Variants in PSD3 observed in about 807,000 individuals in gnomAD.
PSD3 encodes the protein pleckstrin and Sec7 domain containing 3, also known as PH and SEC7 domain-containing protein 3.
Under a neutral mutation model 105.5 loss-of-function variants are expected in PSD3, and 49 were observed. The ratio of observed to expected loss-of-function variants is 0.46; its 90% CI spans 0.37 to 0.59. PSD3 has a LOEUF of 0.59. Ranked by LOEUF, PSD3 falls within the 20% of genes least tolerant of loss-of-function variation. The pLI is 0.00. For synonymous variants in PSD3, 557 were observed against 457.8 expected (o/e 1.22, Z -2.77); for missense variants, 1,561 against 1,263.8 (o/e 1.24, Z -3.57).
At chr8:18,685,158 C>G (rs1800597362) in intron 9 of PSD3, among the ~76,000 whole-genome samples, 2 of 152,188 alleles carry the variant, frequency 1.3e-5, no homozygotes, top group African/African-American at 2.4e-5. Flanking sequence ...CTTTACAACT[C>G]AAGAATGTAT....
chr8:19,000,494 T>C (rs6981123), intron 1 of PSD3: 105,795 of 151,228 alleles, frequency 0.7, 37,833 homozygotes, highest in East Asian at 0.91. Flanking sequence ...GAACACAGCC[T>C]AAGCCTTTAT....
At position 18,952,848 on chromosome 8, in the gene PSD3, T is replaced by C. The variant is rs1003967675; in HGVS notation, c.22-16706A>G. ...TTCTTGTAAGAATCCAAACAACTTA[T>C]TGAGGAGACGAGGTGATGGCCAGCA... On this transcript the variant is annotated intron_variant, in intron 1 of 15. Coordinates refer to ENST00000327040, the MANE Select transcript of PSD3 (RefSeq NM_015310.4). Among the ~76,000 whole-genome samples the C allele has an allele frequency of 2.0e-4, 31 of 152,174 alleles. 1 individual carries two copies. The highest frequency in any genetic ancestry group is 6.5e-4 in the African/African-American group (27 of 41,438).
chr8:18,874,979 G>A (rs1341590480), intron 2 of PSD3, among the ~76,000 whole-genome samples: 1 of 152,048 alleles, frequency 6.6e-6, no homozygotes, highest in East Asian at 1.9e-4. Flanking sequence ...GTGGGAGTGC[G>A]AACATAGCTC....
At chr8:18,988,892 G>C (rs936255202) in intron 1 of PSD3, among the ~76,000 whole-genome samples, 1 of 152,186 alleles carries the variant, frequency 6.6e-6, no homozygotes, top group Non-Finnish European at 1.5e-5. Flanking sequence ...GTTTGTCCGG[G>C]AATGTAAGCG....
chr8:18,644,436 C>T (rs1807880571), intron 10 of PSD3, among the ~76,000 whole-genome samples: 1 of 152,224 alleles, frequency 6.6e-6, no homozygotes, highest in South Asian at 2.1e-4. Flanking sequence ...GACAAGAATA[C>T]AATTCAGCCA....
In PSD3 at chr8:18,535,659, T is replaced by C. The variant is rs1223891023; in HGVS notation, c.*84A>G. On this transcript the variant is annotated 3_prime_UTR_variant, in exon 16 of 16. Coordinates refer to ENST00000327040, the MANE Select transcript of PSD3 (RefSeq NM_015310.4). ...CCGTTTTGTCACAGACTTTTTTTTT[T>C]TAAATATATTCACGGATTACCAGAA... is the stretch of plus-strand genomic sequence containing the variant. 2.5e-6 allele frequency: 3 copies of C among 1,192,732 alleles called. No homozygotes were observed. Among genetic ancestry groups the C allele is most frequent in the Non-Finnish European group, 3.6e-6 (3 of 830,080 alleles). 73.9% of individuals were successfully genotyped at this position (1,192,732 alleles called of 1,614,324 possible).
chr8:19,073,030 AAG>A (rs1368474935), intron 1 of PSD3, among the ~76,000 whole-genome samples: 2 of 152,186 alleles, frequency 1.3e-5, no homozygotes, highest in African/African-American at 4.8e-5. Flanking sequence ...GATTTTATTA[AAG>A]ATAATAAAAT....
Position 18,749,438 on chromosome 8 carries a change from C to A in PSD3, c.2172+16011G>T, listed in dbSNP as rs28447980. Among the ~76,000 whole-genome samples, 5 of 152,246 alleles carry A rather than the reference C, an allele frequency of 3.3e-5. No homozygotes were observed. The South Asian group carries it at 1.0e-3, about 32-fold the overall frequency. On this transcript the variant is annotated intron_variant, in intron 9 of 15. Coordinates refer to ENST00000327040, the MANE Select transcript of PSD3 (RefSeq NM_015310.4). ...TCCCACAGTATTTTATACGTAATTC[C>A]GCATTTATGCAGGATTTTAAAGATG...
In PSD3 at chr8:18,864,103, T is replaced by C. The variant is rs1016032432; in HGVS notation, c.1634+3571A>G. Among the ~76,000 whole-genome samples the C allele has an allele frequency of 2.6e-5, 4 of 152,164 alleles. No individual in the cohort carries two copies. The South Asian group carries it at 6.2e-4, about 24-fold the overall frequency. ...TGAAACAGAAAAGGATTTAAGTAAA[T>C]CTAGGCAATAGCAAAGCAAATACAT... On this transcript the variant is annotated intron_variant, in intron 4 of 15. Coordinates refer to ENST00000327040, the MANE Select transcript of PSD3 (RefSeq NM_015310.4).
intron 9 of PSD3, among the ~76,000 whole-genome samples, chr8:18,764,882 G>A (rs1297883558): frequency 2.6e-5 from 4 of 152,136 alleles, no homozygotes; most frequent in African/African-American, 9.7e-5. Flanking sequence ...CAATGCTGGA[G>A]AATGCATGAA....
intron 8 of PSD3, among the ~76,000 whole-genome samples, chr8:18,782,576 T>C (rs1463985691): frequency 6.6e-6 from 1 of 152,176 alleles, no homozygotes; most frequent in Non-Finnish European, 1.5e-5. Flanking sequence ...CTGGGATGGA[T>C]ATGCAGGATC....
At chr8:18,771,969 A>G (rs1807581606) in intron 8 of PSD3, among the ~76,000 whole-genome samples, 1 of 152,166 alleles carries the variant, frequency 6.6e-6, no homozygotes, top group African/African-American at 2.4e-5. Context: ...CCTCAAACAA[A>G]TGGAATCATA....
chr8:18,876,666 C>T lies in PSD3; in HGVS notation c.131-3933G>A, dbSNP rs541919298. Among the ~76,000 whole-genome samples the T allele has an allele frequency of 1.5e-3, 221 of 152,282 alleles. 3 individuals carry two copies. The highest frequency in any genetic ancestry group is 5.1e-3 in the African/African-American group (211 of 41,570). On this transcript the variant is annotated intron_variant, in intron 2 of 15. Coordinates refer to ENST00000327040, the MANE Select transcript of PSD3 (RefSeq NM_015310.4). Reference sequence around the variant, plus strand: ...ACGCCTGCCTCGGCCTCCTAAAGCGCTGGCATTACAGACATGAACCACCGC... The same window carrying T: ...ACGCCTGCCTCGGCCTCCTAAAGCGTTGGCATTACAGACATGAACCACCGC...
intron 11 of PSD3, among the ~76,000 whole-genome samples, chr8:18,617,812 C>T (rs1805806262): frequency 6.6e-6 from 1 of 152,172 alleles, no homozygotes; most frequent in Admixed American, 6.5e-5. Flanking sequence ...ATACCAATTT[C>T]AACCTGACTC....
chr8:18,572,150 A>T (rs1563334381), intron 14 of PSD3, among the ~76,000 whole-genome samples: 1 of 152,332 alleles, frequency 6.6e-6, no homozygotes, highest in East Asian at 1.9e-4. Context: ...CTAGCACTAA[A>T]CACATCCTGG....
chr8:18,840,169 A>G (rs1814497704), intron 4 of PSD3, among the ~76,000 whole-genome samples: 1 of 152,212 alleles, frequency 6.6e-6, no homozygotes, highest in South Asian at 2.1e-4. Context: ...TAAAGCCAGA[A>G]GAGTTTAATG....
At chr8:18,765,197 C>T (rs1806872000) in intron 9 of PSD3, among the ~76,000 whole-genome samples, 1 of 152,182 alleles carries the variant, frequency 6.6e-6, no homozygotes, top group Non-Finnish European at 1.5e-5. Flanking sequence ...CTGCCACTCA[C>T]TATTTGTATC....
At chr8:18,737,233 G>A (rs146142062) in intron 9 of PSD3, among the ~76,000 whole-genome samples, 8 of 152,308 alleles carry the variant, frequency 5.3e-5, no homozygotes, top group African/African-American at 1.7e-4. Context: ...GAGAAACACT[G>A]CATTAGTTCA....
chr8:18,580,383 G>A (rs771338496), intron 12 of PSD3, among the ~76,000 whole-genome samples: 9 of 151,952 alleles, frequency 5.9e-5, no homozygotes, highest in East Asian at 1.9e-4. Context: ...CCCCTGATGC[G>A]ACCCAGTAAA....
Sources: allele counts gnomAD v4.1 joint callset (sites outside exome capture counted in the v4.1 genomes callset), GRCh38; gene constraint gnomAD v4.1.1; transcripts MANE v1.5; gene names NCBI Gene and HGNC (gene_info 2026-07-23, HGNC 2026-07-21).